Variants in SKIL observed in about 807,000 individuals in gnomAD.
SKIL encodes ski-like protein.
SKIL carries 20 observed loss-of-function variants against 69.6 expected under a neutral mutation model. The ratio of observed to expected loss-of-function variants is 0.29; its 90% CI spans 0.20 to 0.42. The LOEUF is 0.42. SKIL is among the 10% of genes least tolerant of loss of function. SKIL has a pLI of 1.00. For missense variants in SKIL, 745 were observed against 783.1 expected (o/e 0.95, Z 0.58); for synonymous variants, 310 against 279.9 (o/e 1.11, Z -1.08).
In SKIL at chr3:170,360,312, A is replaced by G. The variant is rs1236727778; in HGVS notation, c.-20A>G. The G allele has an allele frequency of 2.6e-6, 4 of 1,519,796 alleles. No homozygotes were observed. Among genetic ancestry groups the G allele is most frequent in the Non-Finnish European group, 2.6e-6 (3 of 1,138,236 alleles). The allele number at this position is 1,519,796 out of a possible 1,614,324, so 94.1% of individuals were successfully genotyped here. ...AGAAATGCTAATCTCAGACTTAATT[A>G]TTTAACAGAAGAGTGTACCATGGAA... On this transcript the variant is annotated 5_prime_UTR_variant, in exon 2 of 7. Coordinates refer to ENST00000259119, the MANE Select transcript of SKIL (RefSeq NM_005414.5).
intron 4 of SKIL, among the ~76,000 whole-genome samples, chr3:170,387,025 C>CA (rs1553855361): frequency 1.3e-5 from 2 of 150,958 alleles, no homozygotes; most frequent in Non-Finnish European, 3.0e-5. Flanking sequence ...TCTTTTCTTT[C>CA]TTTTTTTTTA....
At chr3:170,371,363 T>G (rs1416416237) in intron 2 of SKIL, among the ~76,000 whole-genome samples, 1 of 151,990 alleles carries the variant, frequency 6.6e-6, no homozygotes, top group Non-Finnish European at 1.5e-5. Context: ...AAAAAATAGC[T>G]GGGCATGGTG....
Position 170,392,359 on chromosome 3 carries a change from T to A in SKIL, c.1997T>A (p.Met666Lys), listed in dbSNP as rs61761943. ...CGGGAAGCAAGACAGAAGTTAGAGATGATGATAAAAGAGCTAAAGCTGCAA... is the reference window on the plus strand; with the variant it reads ...CGGGAAGCAAGACAGAAGTTAGAGAAGATGATAAAAGAGCTAAAGCTGCAA... ...QEREARQKLEMMIKELKLQIL... is the reference protein window; with the variant it reads ...QEREARQKLEKMIKELKLQIL... Residue 666 changes from methionine to lysine, a missense_variant, in exon 7 of 7, where the codon ATG (methionine) becomes AAG (lysine). Physicochemically the swap from Met to Lys is moderately conservative, Grantham distance 95 (BLOSUM62 -1). Transcript: ENST00000259119. 7.2e-3 allele frequency: 11,590 copies of A among 1,612,574 alleles called. 58 individuals carry two copies. Among genetic ancestry groups the A allele is most frequent in the Non-Finnish European group, 8.1e-3 (9,525 of 1,178,780 alleles).
intron 1 of SKIL, chr3:170,358,663 T>C (rs1736062980): frequency 6.6e-6 from 1 of 152,248 alleles, no homozygotes; most frequent in South Asian, 2.1e-4. Flanking sequence ...GCTGAGAGTT[T>C]GGGAAGCAAA....
chr3:170,392,187 A>G (rs1301520809), intron 6 of SKIL, 72 bp from the exon 7 acceptor site: 10 of 1,222,048 alleles, frequency 8.2e-6, no homozygotes, highest in Non-Finnish European at 1.0e-5. Context: ...GAAAATAGAT[A>G]TTTTCTATGA....
At chr3:170,376,555 G>C (rs2108208032) in intron 2 of SKIL, among the ~76,000 whole-genome samples, 1 of 152,220 alleles carries the variant, frequency 6.6e-6, no homozygotes, top group Middle Eastern at 3.4e-3. Flanking sequence ...ACATAATTTA[G>C]CTATGTCACG....
Position 170,360,555 on chromosome 3 carries a change from C to G in SKIL, c.224C>G (p.Ser75Cys). The G allele has an allele frequency of 6.2e-7, 1 of 1,614,254 alleles. No homozygotes were observed. Among genetic ancestry groups the G allele is most frequent in the Non-Finnish European group, 8.5e-7 (1 of 1,180,050 alleles). The change falls in exon 2 of 7, where the codon TCT (serine) becomes TGT (cysteine). Residue 75 changes from serine (S) to cysteine (C), a missense_variant. Transcript: ENST00000259119. ...DGEHVKRTCT[S>C]VPETLHLNPS... ...GAGCATGTTAAGCGAACCTGTACTT[C>G]TGTTCCTGAAACTTTGCATTTAAAT...
At chr3:170,376,640 A>G (rs557281455) in intron 2 of SKIL, among the ~76,000 whole-genome samples, 1 of 152,116 alleles carries the variant, frequency 6.6e-6, no homozygotes, top group African/African-American at 2.4e-5. Context: ...CCATGGAGCA[A>G]TCTCAGCTCA....
chr3:170,369,082 A>ATTTTTTT (rs55652320), intron 2 of SKIL, among the ~76,000 whole-genome samples: 1 of 126,778 alleles, frequency 7.9e-6, no homozygotes, highest in African/African-American at 3.0e-5. Context: ...TATCCCTGGC[A>ATTTTTTT]TTTTTTTTTT....
At position 170,390,470 on chromosome 3, in the gene SKIL, A is replaced by G. The variant is rs1577448312; in HGVS notation, c.1671+6A>G. Reference sequence around the variant, plus strand: ...AGAAGCAACAACTTCAGATGGTAAAATTGTTATCTAAATGATAGTCCATTA... The same window carrying G: ...AGAAGCAACAACTTCAGATGGTAAAGTTGTTATCTAAATGATAGTCCATTA... On this transcript the variant is annotated splice_donor_region_variant and intron_variant, in intron 5 of 6. Transcript: ENST00000259119. 6.2e-7 allele frequency: 1 copy of G among 1,605,206 alleles called. No homozygotes were observed. The highest frequency in any genetic ancestry group is 1.3e-5 in the African/African-American group (1 of 74,630).
Position 170,361,072 on chromosome 3 carries a change from T to G in SKIL, c.741T>G (p.Pro247=), listed in dbSNP as rs753517642. Residue 247 remains proline (P), a synonymous_variant, in exon 2 of 7, where the codon CCT becomes CCG. Transcript: ENST00000259119. The part of the protein sequence containing the change: ...RTFPQNGSVL[P]AKSSLAQLKE... ...TTCCTCAAAATGGTAGCGTACTTCC[T>G]GCTAAAAGCTCATTGGCCCAGTTAA... 6.2e-7 allele frequency: 1 copy of G among 1,614,234 alleles called. No individual in the cohort carries two copies. Among genetic ancestry groups the G allele is most frequent in the South Asian group, 1.1e-5 (1 of 91,088 alleles).
chr3:170,380,567 C>CG, intron 2 of SKIL, among the ~76,000 whole-genome samples: 1 of 151,682 alleles, frequency 6.6e-6, no homozygotes, highest in African/African-American at 2.4e-5. Flanking sequence ...CGCTTGAACC[C>CG]GGGAGGTGGA....
intron 2 of SKIL, among the ~76,000 whole-genome samples, chr3:170,380,106 T>G (rs1166291975): frequency 6.6e-6 from 1 of 152,244 alleles, no homozygotes. Context: ...TTCTTTATTT[T>G]TAGTTATAGC....
chr3:170,386,092 G>A (rs1332692378), intron 4 of SKIL, among the ~76,000 whole-genome samples: 1 of 150,484 alleles, frequency 6.6e-6, no homozygotes, highest in Admixed American at 6.6e-5. Flanking sequence ...CACCACGCCT[G>A]GCTGATTCTT....
chr3:170,378,551 C>CTTT (rs1381200767), intron 2 of SKIL, among the ~76,000 whole-genome samples: 1 of 48,518 alleles, frequency 2.1e-5, no homozygotes, highest in Non-Finnish European at 5.6e-5. Context: ...CTCTCTCTCT[C>CTTT]TCTTTTTTTT....
In SKIL at chr3:170,392,194, A is replaced by T. The variant is rs188626964; in HGVS notation, c.1897-65A>T. 2.4e-6 allele frequency: 3 copies of T among 1,263,902 alleles called. No individual in the cohort carries two copies. The African/African-American group carries it at 4.5e-5, about 19-fold the overall frequency. 78.3% of individuals were successfully genotyped at this position (1,263,902 alleles called of 1,614,324 possible). A position where few individuals can be genotyped will look rare whatever the true frequency, so the allele number is the denominator to read the frequency against. ...AGTAATTTGAAAATAGATATTTTCT[A>T]TGATATGAGGATTAAATGGAAAAAC... On this transcript the variant is annotated intron_variant, in intron 6 of 6. Transcript: ENST00000259119.
At chr3:170,383,499 A>G (rs1268893259) in intron 3 of SKIL, among the ~76,000 whole-genome samples, 1 of 152,230 alleles carries the variant, frequency 6.6e-6, no homozygotes, top group Non-Finnish European at 1.5e-5. Context: ...GTACTTAAAT[A>G]TCTAGCTGAA....
At chr3:170,359,105 T>C (rs1736087257) in intron 1 of SKIL, among the ~76,000 whole-genome samples, 1 of 152,220 alleles carries the variant, frequency 6.6e-6, no homozygotes, top group South Asian at 2.1e-4. Context: ...AAAGCCCCGG[T>C]ACTACTAATT....
intron 4 of SKIL, among the ~76,000 whole-genome samples, chr3:170,389,675 A>T (rs1405836506): frequency 6.6e-6 from 1 of 152,204 alleles, no homozygotes; most frequent in Non-Finnish European, 1.5e-5. Context: ...CAATTGCCTT[A>T]TAAAGTATGA....
Sources: gnomAD v4.1 joint callset for allele counts (sites outside exome capture counted in the v4.1 genomes callset) on GRCh38, gnomAD v4.1.1 for gene constraint, MANE v1.5 for transcripts, NCBI Gene and HGNC (gene_info 2026-07-23, HGNC 2026-07-21) for gene names.